The following ITGA2 variants were observed in gnomAD, a reference collection of about 807,000 sequenced individuals.
ITGA2 encodes the protein integrin subunit alpha 2, also known as integrin alpha-2.
Under a neutral mutation model 146.3 loss-of-function variants are expected in ITGA2, and 101 were observed. The observed-to-expected ratio is 0.69, with a 90% CI of 0.59 to 0.81. The LOEUF (loss-of-function observed/expected upper bound fraction) is 0.81, where lower values mean the gene tolerates loss of function less well. Ranked by LOEUF, ITGA2 falls within the 40% of genes least tolerant of loss-of-function variation. The probability of loss-of-function intolerance (pLI) is 0.00; values close to 1 mark genes in which losing one functional copy is unlikely to be tolerated. For synonymous variants in ITGA2, 477 were observed against 487.1 expected, an observed-to-expected ratio of 0.98 and a Z score of 0.27; for missense variants, 1,281 against 1,402.7, an observed-to-expected ratio of 0.91 and a Z score of 1.39.
chr5:52,994,258 C>G (rs1741112913), intron 1 of ITGA2, among the ~76,000 whole-genome samples: 2 of 152,102 alleles, frequency 1.3e-5, no homozygotes, highest in Non-Finnish European at 2.9e-5. Flanking sequence ...GGAAAAAAAT[C>G]CAAACATGGG....
At chr5:53,024,593 C>G (rs1171165986) in intron 1 of ITGA2, among the ~76,000 whole-genome samples, 1 of 152,112 alleles carries the variant, frequency 6.6e-6, no homozygotes, top group African/African-American at 2.4e-5. Context: ...AGTAGTGATA[C>G]AGTGATGAAG....
intron 2 of ITGA2, 90 bp downstream of exon 2, chr5:53,026,958 C>T (rs531733629): frequency 8.5e-7 from 1 of 1,178,866 alleles, no homozygotes; most frequent in Non-Finnish European, 1.2e-6. Context: ...TGGTGCCTGA[C>T]TGTACTATAA....
chr5:53,038,626 T>A (rs1457572192), intron 2 of ITGA2, among the ~76,000 whole-genome samples: 1 of 152,180 alleles, frequency 6.6e-6, no homozygotes, highest in Non-Finnish European at 1.5e-5. Flanking sequence ...TTTCCCAATC[T>A]GGGCCCTCTG....
chr5:53,037,761 T>C (rs1743559062), intron 2 of ITGA2, among the ~76,000 whole-genome samples: 1 of 152,170 alleles, frequency 6.6e-6, no homozygotes, highest in African/African-American at 2.4e-5. Flanking sequence ...TTAATGTGGT[T>C]CACAATATTT....
At chr5:53,070,582 G>A (rs1028814328) in intron 17 of ITGA2, among the ~76,000 whole-genome samples, 1 of 151,832 alleles carries the variant, frequency 6.6e-6, no homozygotes, top group Non-Finnish European at 1.5e-5. Flanking sequence ...ATGTTATTTT[G>A]ATATTTTCCT....
intron 2 of ITGA2, among the ~76,000 whole-genome samples, chr5:53,036,042 CGT>C (rs1433111045): frequency 8.7e-6 from 1 of 114,498 alleles, no homozygotes; most frequent in Non-Finnish European, 2.0e-5. Context: ...GTCTTTGACT[CGT>C]ATTCATTCAT....
Position 53,048,761 on chromosome 5 carries a change from A to G in ITGA2, c.621A>G (p.Thr207=), listed in dbSNP as rs766185216. Residue 207 remains threonine (T), a synonymous_variant, in exon 6 of 30, where the codon ACA becomes ACG. Transcript: ENST00000296585. ...TACAAGGCCTGGATATAGGCCCCACAAAGACACAGGTATGGCTAACAGAAA... is the reference window on the plus strand; with the variant it reads ...TACAAGGCCTGGATATAGGCCCCACGAAGACACAGGTATGGCTAACAGAAA... ...KFVQGLDIGP[T]KTQVGLIQYA... 1.2e-6 allele frequency: 2 copies of G among 1,613,946 alleles called. No homozygotes were observed. Among genetic ancestry groups the G allele is most frequent in the South Asian group, 2.2e-5 (2 of 91,078 alleles).
At chr5:53,041,635 A>G (rs1447436811) in intron 2 of ITGA2, among the ~76,000 whole-genome samples, 1 of 152,052 alleles carries the variant, frequency 6.6e-6, no homozygotes, top group Non-Finnish European at 1.5e-5. Flanking sequence ...CTACTTTTCC[A>G]TATTGAGATG....
intron 24 of ITGA2, among the ~76,000 whole-genome samples, chr5:53,080,150 C>A (rs746614169): frequency 4.6e-5 from 7 of 152,134 alleles, no homozygotes; most frequent in Non-Finnish European, 1.0e-4. Flanking sequence ...ACATGTCTCA[C>A]AAAGTCACAA....
intron 1 of ITGA2, among the ~76,000 whole-genome samples, chr5:53,001,380 C>T (rs986502630): frequency 1.3e-5 from 2 of 152,070 alleles, no homozygotes; most frequent in Non-Finnish European, 1.5e-5. Flanking sequence ...TATAGGTTAC[C>T]CAGACAATTC....
intron 11 of ITGA2, among the ~76,000 whole-genome samples, chr5:53,060,495 T>C (rs896291846): frequency 6.6e-6 from 1 of 151,922 alleles, no homozygotes; most frequent in Non-Finnish European, 1.5e-5. Context: ...TTGTCTAACG[T>C]TCAACAACCT....
rs370317665 is a variant in ITGA2, at chr5:53,074,427, A to T, written c.2614A>T (p.Lys872Ter). The T allele has an allele frequency of 3.7e-6, 6 of 1,612,268 alleles. No homozygotes were observed. Among genetic ancestry groups the T allele is most frequent in the Non-Finnish European group, 5.1e-6 (6 of 1,178,982 alleles). The change falls in exon 21 of 30, where the codon AAG becomes TAG. Residue 872 changes from lysine to a stop codon, truncating the protein, a stop_gained. Transcript: ENST00000296585. LOFTEE classifies it high-confidence loss of function. ...AACATGCCAGGTGGCTGCATCTCAG[A>T]AGTCTGTTGCCTGCGATGTAGGCTA... Reference protein sequence around the residue: ...EVTCQVAASQKSVACDVGYPA... With the variant: ...EVTCQVAASQ
rs3212618 is a variant in ITGA2, at chr5:53,081,818, A to G, written c.3144+122A>G. The G allele has an allele frequency of 5.1e-4, 345 of 678,090 alleles. No homozygotes were observed. The African/African-American group carries it at 5.6e-3, about 11-fold the overall frequency. 42.0% of individuals were successfully genotyped at this position (678,090 alleles called of 1,614,324 possible). A position where few individuals can be genotyped will look rare whatever the true frequency, so the allele number is the denominator to read the frequency against. On this transcript the variant is annotated intron_variant, in intron 26 of 29. Transcript: ENST00000296585. ...TTCTTATTTTGCCTTTGATGCTTAT[A>G]TGAGTCAAGATTTAGAAAATATTAG...
intron 7 of ITGA2, among the ~76,000 whole-genome samples, chr5:53,054,726 T>C (rs945326039): frequency 5.9e-5 from 9 of 152,098 alleles, no homozygotes; most frequent in African/African-American, 1.2e-4. Flanking sequence ...GTTTAGAATA[T>C]GCCCTCATTT....
At chr5:53,025,139 C>G (rs116427797) in intron 1 of ITGA2, among the ~76,000 whole-genome samples, 17 of 152,236 alleles carry the variant, frequency 1.1e-4, no homozygotes, top group Non-Finnish European at 2.2e-4. Flanking sequence ...CATCTCTCCA[C>G]GCTAATATGT....
intron 24 of ITGA2, among the ~76,000 whole-genome samples, chr5:53,079,683 C>T (rs930885292): frequency 6.6e-6 from 1 of 152,020 alleles, no homozygotes; most frequent in Admixed American, 6.6e-5. Flanking sequence ...GATCTAGATA[C>T]TACAATAGAA....
In ITGA2 at chr5:53,092,687, A is replaced by G. The variant is rs543408809; in HGVS notation, c.*2088A>G. 24 of 152,150 alleles carry G rather than the reference A, an allele frequency of 1.6e-4. No individual in the cohort carries two copies. In the East Asian group the frequency reaches 4.2e-3, roughly 27 times the overall value. The allele number at this position is 152,150 out of a possible 1,614,324, so 9.4% of individuals were successfully genotyped here. Reference sequence around the variant, plus strand: ...GCTTGATAAAGAATATTTAACAGCTAGTGGTGCTGGTGTGTACCTGAAGCT... The same window carrying G: ...GCTTGATAAAGAATATTTAACAGCTGGTGGTGCTGGTGTGTACCTGAAGCT... On this transcript the variant is annotated 3_prime_UTR_variant, in exon 30 of 30. Coordinates refer to ENST00000296585, the MANE Select transcript of ITGA2 (RefSeq NM_002203.4).
intron 1 of ITGA2, among the ~76,000 whole-genome samples, chr5:52,994,265 T>C (rs1741113853): frequency 6.6e-6 from 1 of 152,182 alleles, no homozygotes; most frequent in African/African-American, 2.4e-5. Flanking sequence ...AATCCAAACA[T>C]GGGGAAAGGA....
intron 1 of ITGA2, among the ~76,000 whole-genome samples, chr5:53,005,580 C>CAA (rs5867858): frequency 0.15 from 20,496 of 137,114 alleles, 1,517 homozygotes; most frequent in African/African-American, 0.17. Context: ...GACTCTGTGT[C>CAA]AAAAAAAAAA....
Sources: allele counts gnomAD v4.1 joint callset (sites outside exome capture counted in the v4.1 genomes callset), GRCh38; gene constraint gnomAD v4.1.1; transcripts MANE v1.5; gene names NCBI Gene and HGNC (gene_info 2026-07-23, HGNC 2026-07-21).